MSL3: variants seen among roughly 807,000 people sequenced by gnomAD.
MSL3 encodes the protein MSL3-like 1.
A neutral mutation model predicts 37.2 loss-of-function variants in MSL3; 5 were observed. The observed-to-expected ratio is 0.13, with a 90% CI of 0.07 to 0.28. The LOEUF is 0.28. Ranked by LOEUF, MSL3 falls within the 10% of genes least tolerant of loss-of-function variation. MSL3 has a pLI of 1.00. For missense variants in MSL3, 315 were observed against 408.5 expected, an observed-to-expected ratio of 0.77 and a Z score of 1.97; for synonymous variants, 149 against 147.6, an observed-to-expected ratio of 1.01 and a Z score of -0.07.
Position 11,765,743 on chromosome X carries a change from C to T in MSL3, c.1171+14C>T, listed in dbSNP as rs772470103. 2.6e-5 allele frequency: 32 copies of T among 1,208,081 alleles called. No individual in the cohort carries two copies. Among genetic ancestry groups the T allele is most frequent in the Admixed American group, 1.5e-4 (7 of 45,725 alleles). On this transcript the variant is annotated intron_variant, in intron 9 of 12. Coordinates refer to ENST00000312196, the MANE Select transcript of MSL3 (RefSeq NM_078629.4). ...ACCTGGAAAAGAGTAGGTTCATTCT[C>T]GGGTGCCCCAGGCCGGGGAGAGCCA...
chrX:11,759,170 CAG>C (rs1280625500), intron 1 of MSL3, among the ~76,000 whole-genome samples: 1 of 112,187 alleles, frequency 8.9e-6, no homozygotes, highest in Non-Finnish European at 1.9e-5. Context: ...GCGGCAGGGA[CAG>C]GGGCAGTCCC....
At chrX:11,762,758 G>A in intron 6 of MSL3, 79 bp from the exon 7 acceptor site, 5 of 958,247 alleles carry the variant, frequency 5.2e-6, no homozygotes, top group Non-Finnish European at 7.2e-6. Context: ...AAATGATACA[G>A]ACATGACCAG....
At position 11,775,166 on chromosome X, in the gene MSL3, T is replaced by TAAAG; in HGVS notation, c.*88_*89insAAGA. 2 of 666,019 alleles carry TAAAG rather than the reference T, an allele frequency of 3.0e-6. No individual in the cohort carries two copies. Among genetic ancestry groups the TAAAG allele is most frequent in the Non-Finnish European group, 4.8e-6 (2 of 418,275 alleles). 54.9% of individuals were successfully genotyped at this position (666,019 alleles called of 1,213,427 possible). ...AATAACTAACAAGGTGGTGGGTCTT[T>TAAAG]ACCCACAGCGCAAACACAATGCCCA... On this transcript the variant is annotated 3_prime_UTR_variant, in exon 13 of 13. Transcript: ENST00000312196.
intron 1 of MSL3, chrX:11,758,626 G>T: frequency 8.7e-7 from 1 of 1,155,032 alleles, no homozygotes; most frequent in East Asian, 3.3e-5. Flanking sequence ...CGCGTTACCG[G>T]GGCTACCGTT....
chrX:11,763,443 G>A (rs2053150689), intron 7 of MSL3, among the ~76,000 whole-genome samples: 1 of 112,702 alleles, frequency 8.9e-6, no homozygotes, highest in Non-Finnish European at 1.9e-5. Flanking sequence ...CAAGGGTTAG[G>A]GATTCACTAG....
Position 11,772,142 on chromosome X carries a change from C to A in MSL3, c.1282-14C>A. 8.7e-7 allele frequency: 1 copy of A among 1,151,117 alleles called. No homozygotes were observed. Among genetic ancestry groups the A allele is most frequent in the Non-Finnish European group, 1.2e-6 (1 of 843,123 alleles). The allele number at this position is 1,151,117 out of a possible 1,213,427, so 94.9% of individuals were successfully genotyped here. On this transcript the variant is annotated splice_polypyrimidine_tract_variant and intron_variant, in intron 10 of 12. Coordinates refer to ENST00000312196, the MANE Select transcript of MSL3 (RefSeq NM_078629.4). Reference sequence around the variant, plus strand: ...TTAAGAATAACAAAAGCATTCAATTCGTGCTTTTTCCAGGTCCTCTCCTGG... The same window carrying A: ...TTAAGAATAACAAAAGCATTCAATTAGTGCTTTTTCCAGGTCCTCTCCTGG...
chrX:11,761,032 G>A (rs1171918712), intron 4 of MSL3, 95 bp downstream of exon 4: 1 of 600,778 alleles, frequency 1.7e-6, no homozygotes, highest in Non-Finnish European at 2.6e-6. Flanking sequence ...AACACTTCAA[G>A]CTCATTATGT....
chrX:11,758,610 C>A, intron 1 of MSL3: 1 of 1,143,328 alleles, frequency 8.7e-7, no homozygotes, highest in East Asian at 3.3e-5. Context: ...CTCGCCCATG[C>A]TTTGTCGCGT....
intron 1 of MSL3, chrX:11,759,591 G>A: frequency 6.6e-6 from 7 of 1,053,059 alleles, no homozygotes; most frequent in East Asian, 3.6e-5. Flanking sequence ...GACCAATCAC[G>A]GGGTGGTTGG....
intron 11 of MSL3, among the ~76,000 whole-genome samples, 155 bp downstream of exon 11, chrX:11,772,410 A>C (rs1373472130): frequency 8.9e-6 from 1 of 112,570 alleles, no homozygotes; most frequent in Non-Finnish European, 1.9e-5. Flanking sequence ...AAGGCATTGA[A>C]TGAATCTTAA....
intron 7 of MSL3, among the ~76,000 whole-genome samples, chrX:11,763,346 C>G (rs1047599775): frequency 4.4e-5 from 5 of 112,624 alleles, no homozygotes; most frequent in African/African-American, 1.6e-4. Context: ...GGTTTTCATT[C>G]CAGTCAGAGA....
rs772883236 is a variant in MSL3, at chrX:11,772,274, G to T, written c.1381+19G>T. 2.7e-6 allele frequency: 3 copies of T among 1,128,611 alleles called. No individual in the cohort carries two copies. Among genetic ancestry groups the T allele is most frequent in the African/African-American group, 1.8e-5 (1 of 55,464 alleles). The allele number at this position is 1,128,611 out of a possible 1,213,427, so 93.0% of individuals were successfully genotyped here. A position where few individuals can be genotyped will look rare whatever the true frequency, so the allele number is the denominator to read the frequency against. On this transcript the variant is annotated intron_variant, in intron 11 of 12. Coordinates refer to ENST00000312196, the MANE Select transcript of MSL3 (RefSeq NM_078629.4). ...TTGTTTGGTAAGAATCCTGGTTCCT[G>T]CCTTCTTTCCATTTTTCATTTTGTA... is the stretch of plus-strand genomic sequence containing the variant.
chrX:11,758,580 G>A lies in MSL3; in HGVS notation c.102+215G>A, dbSNP rs978137782. ...CCACTTCCTTCCGTCAGGCCGGGCG[G>A]CGCACGCGCGGTTGGGAGCCTCGCC... On this transcript the variant is annotated intron_variant, in intron 1 of 12. Coordinates refer to ENST00000312196, the MANE Select transcript of MSL3 (RefSeq NM_078629.4). The A allele has an allele frequency of 5.4e-6, 6 of 1,115,193 alleles. No individual in the cohort carries two copies. In the East Asian group the frequency reaches 1.7e-4, roughly 31 times the overall value. 91.9% of individuals were successfully genotyped at this position (1,115,193 alleles called of 1,213,427 possible).
chrX:11,766,756 G>A (rs773201917), intron 9 of MSL3: 61 of 753,357 alleles, frequency 8.1e-5, no homozygotes, highest in Non-Finnish European at 8.8e-5. Context: ...GCCAGCAGGC[G>A]CCAAGCACCC....
At chrX:11,762,436 T>C (rs1383023824) in intron 6 of MSL3, among the ~76,000 whole-genome samples, 184 bp downstream of exon 6, 1 of 112,338 alleles carries the variant, frequency 8.9e-6, no homozygotes, top group African/African-American at 3.2e-5. Context: ...AAATTGAAAC[T>C]CACACAGCTC....
In MSL3 at chrX:11,763,958, C is replaced by CT. The variant is rs1191200993; in HGVS notation, c.908+23dup. On this transcript the variant is annotated intron_variant, in intron 8 of 12. Coordinates refer to ENST00000312196, the MANE Select transcript of MSL3 (RefSeq NM_078629.4). The stretch of plus-strand genomic sequence containing the variant: ...TAACAGGTAAGTTATATAGCCTGCA[C>CT]TTTCACCCTCACATGTCAGCAGTAC... 2 of 1,174,286 alleles carry CT rather than the reference C, an allele frequency of 1.7e-6. No homozygotes were observed. Among genetic ancestry groups the CT allele is most frequent in the Non-Finnish European group, 2.3e-6 (2 of 869,760 alleles).
Position 11,768,307 on chromosome X carries a change from A to G in MSL3, c.1172-266A>G, listed in dbSNP as rs1179383912. 4 of 205,912 alleles carry G rather than the reference A, an allele frequency of 1.9e-5. No individual in the cohort carries two copies. In the Admixed American group the frequency reaches 2.2e-4, roughly 11 times the overall value. 17.0% of individuals were successfully genotyped at this position (205,912 alleles called of 1,213,427 possible). A position where few individuals can be genotyped will look rare whatever the true frequency, so the allele number is the denominator to read the frequency against. ...ACCCTGGGTATTTCATATAAATGGA[A>G]ACATAGTATGTGGCCCTTTGTGATT... On this transcript the variant is annotated intron_variant, in intron 9 of 12. Transcript: ENST00000312196.
chrX:11,768,069 T>C (rs1242098473), intron 9 of MSL3: 2 of 409,600 alleles, frequency 4.9e-6, no homozygotes, highest in African/African-American at 5.5e-5. Context: ...TCAGTGGCAC[T>C]TAACAGCTTC....
chrX:11,768,521 G>A (rs1234723710), intron 9 of MSL3, 52 bp from the exon 10 acceptor site: 16 of 835,198 alleles, frequency 1.9e-5, no homozygotes, highest in Non-Finnish European at 2.7e-5. Context: ...CAGTCTTGAG[G>A]CAGTCTTTAA....
Sources: allele counts gnomAD v4.1 joint callset (sites outside exome capture counted in the v4.1 genomes callset), GRCh38; gene constraint gnomAD v4.1.1; transcripts MANE v1.5; gene names NCBI Gene and HGNC (gene_info 2026-07-23, HGNC 2026-07-21).